MBD6: variants seen among roughly 807,000 people sequenced by gnomAD.
MBD6 encodes methyl-CpG binding domain protein 6, also known as methyl-CpG-binding domain protein 6.
Under a neutral mutation model 66.8 loss-of-function variants are expected in MBD6, and 22 were observed. The ratio of observed to expected loss-of-function variants is 0.33; its 90% CI spans 0.24 to 0.47. The LOEUF (loss-of-function observed/expected upper bound fraction) is 0.47, where lower values mean the gene tolerates loss of function less well. MBD6 is among the 20% of genes least tolerant of loss of function. The pLI is 1.00. For synonymous variants in MBD6, 540 were observed against 534.6 expected (o/e 1.01, Z -0.14); for missense variants, 1,322 against 1,286.9 (o/e 1.03, Z -0.42).
rs753386970 is a variant in MBD6, at chr12:57,527,651, A to C, written c.2227A>C (p.Ser743Arg). The change falls in exon 8 of 13, where the codon AGC (serine) becomes CGC (arginine). Residue 743 changes from serine to arginine, a missense_variant. Transcript: ENST00000355673. ...PQLLSPLLGASLLGDLSSLTS... is the reference protein window; with the variant it reads ...PQLLSPLLGARLLGDLSSLTS... ...ACTCCTTAGCCCTCTGCTGGGTGCC[A>C]GCCTGCTGGGTGAGTCTGAGGGAGT... is the stretch of plus-strand genomic sequence containing the variant. 4 of 1,598,664 alleles carry C rather than the reference A, an allele frequency of 2.5e-6. No homozygotes were observed. In the South Asian group the frequency reaches 3.4e-5, roughly 13 times the overall value.
chr12:57,530,069 G>A lies in MBD6; in HGVS notation c.*835G>A, dbSNP rs750382783. 2 of 152,552 alleles carry A rather than the reference G, an allele frequency of 1.3e-5. No individual in the cohort carries two copies. The highest frequency in any genetic ancestry group is 2.9e-5 in the Non-Finnish European group (2 of 68,046). The allele number at this position is 152,552 out of a possible 1,614,324, so 9.4% of individuals were successfully genotyped here. ...CCCTTGGGAGTTTTAATTCTGTTTT[G>A]TACTTGCCCTGTGGGGCCTCCACTG... On this transcript the variant is annotated 3_prime_UTR_variant, in exon 13 of 13. Transcript: ENST00000355673.
At chr12:57,527,786 T>G in intron 8 of MBD6, 62 bp from the exon 9 acceptor site, 2 of 1,585,666 alleles carry the variant, frequency 1.3e-6, no homozygotes, top group Non-Finnish European at 1.7e-6. Context: ...AAGAGAATAG[T>G]AGGTCTGCTC....
upstream of MBD6, chr12:57,522,759 A>ACGGCGGCGG (rs765011540): frequency 1.5e-3 from 237 of 153,898 alleles, no homozygotes; most frequent in Middle Eastern, 3.2e-3. Flanking sequence ...TGCGGCAGCG[A>ACGGCGGCGG]CGGCGGCGGC....
chr12:57,522,389 T>TGGGGC (rs1426144427), upstream of MBD6, among the ~76,000 whole-genome samples: 1 of 152,192 alleles, frequency 6.6e-6, no homozygotes, highest in Non-Finnish European at 1.5e-5. Context: ...GGGAAGCCTT[T>TGGGGC]GGGGCGGGGC....
rs1878991573 is a variant in MBD6, at chr12:57,526,683, C to T, written c.1538C>T (p.Ala513Val). 2.6e-6 allele frequency: 4 copies of T among 1,529,446 alleles called. No homozygotes were observed. Among genetic ancestry groups the T allele is most frequent in the Admixed American group, 2.2e-5 (1 of 46,066 alleles). 94.7% of individuals were successfully genotyped at this position (1,529,446 alleles called of 1,614,324 possible). A position where few individuals can be genotyped will look rare whatever the true frequency, so the allele number is the denominator to read the frequency against. ...AGPACPLPPL[A>V]GGEAFPFPSP... is the part of the protein sequence containing the mutation. ...CCGGCCTGCCCTCTGCCTCCCCTGG[C>T]TGGTGGAGAGGCTTTCCCTTTCCCC... The change falls in exon 7 of 13, where the codon GCT (alanine) becomes GTT (valine). Residue 513 changes from alanine (A) to valine (V), a missense_variant. Physicochemically the swap from Ala to Val is moderately conservative, Grantham distance 64. Transcript: ENST00000355673.
At chr12:57,520,780 G>A (rs943388493), upstream of MBD6, 1 of 218,896 alleles carries the variant, frequency 4.6e-6, no homozygotes, top group Non-Finnish European at 8.5e-6. Flanking sequence ...GGGGAGTGTA[G>A]CGGGGGGGGA....
intron 1 of MBD6, 71 bp from the exon 2 acceptor site, chr12:57,523,958 G>C (rs1878642240): frequency 5.6e-6 from 1 of 178,482 alleles, no homozygotes; most frequent in African/African-American, 2.4e-5. Context: ...CTTTTGAGAG[G>C]GTGCTGGGCT....
In MBD6 at chr12:57,528,235, G is replaced by C. The variant is rs750703950; in HGVS notation, c.2495G>C (p.Ser832Thr). 6.2e-7 allele frequency: 1 copy of C among 1,608,086 alleles called. No homozygotes were observed. The highest frequency in any genetic ancestry group is 8.5e-7 in the Non-Finnish European group (1 of 1,177,378). ...LEPEPARPPL[S>T]ALAPPHGSPD... Reference sequence around the variant, plus strand: ...CCAGAGCCTGCCAGGCCTCCCCTCAGTGCCTTAGCCCCACCCCATGGTTCT... The same window carrying C: ...CCAGAGCCTGCCAGGCCTCCCCTCACTGCCTTAGCCCCACCCCATGGTTCT... The change falls in exon 10 of 13, where the codon AGT (serine) becomes ACT (threonine). Residue 832 changes from serine (S) to threonine (T), a missense_variant. By Grantham distance (58) the Ser-to-Thr change is moderately conservative (BLOSUM62 1). Coordinates refer to ENST00000355673, the MANE Select transcript of MBD6 (RefSeq NM_052897.4).
intron 12 of MBD6, 27 bp from the exon 13 acceptor site, chr12:57,529,133 T>C: frequency 6.2e-7 from 1 of 1,613,978 alleles, no homozygotes; most frequent in Non-Finnish European, 8.5e-7. Context: ...AATTGACCAC[T>C]TCTATCAACT....
At chr12:57,524,859 A>G (rs1192706376) in intron 4 of MBD6, 37 bp downstream of exon 4, 1 of 1,613,282 alleles carries the variant, frequency 6.2e-7, no homozygotes, top group Admixed American at 1.7e-5. Flanking sequence ...GTACAGAGAT[A>G]AGCTAAAAGT....
In MBD6 at chr12:57,526,587, C is replaced by T; in HGVS notation, c.1442C>T (p.Ala481Val). 3.3e-6 allele frequency: 5 copies of T among 1,511,464 alleles called. No individual in the cohort carries two copies. The highest frequency in any genetic ancestry group is 2.7e-6 in the Non-Finnish European group (3 of 1,131,242). 93.6% of individuals were successfully genotyped at this position (1,511,464 alleles called of 1,614,324 possible). A position where few individuals can be genotyped will look rare whatever the true frequency, so the allele number is the denominator to read the frequency against. The change falls in exon 7 of 13, where the codon GCC becomes GTC. Residue 481 changes from alanine (A) to valine (V), a missense_variant. Physicochemically the swap from Ala to Val is moderately conservative, Grantham distance 64. Transcript: ENST00000355673. ...ACAGGTGCCCCTGCCCCACCAGCTG[C>T]CTCCAAAGCCCCAGTAGTCCCCAGC... The part of the protein sequence containing the change: ...SVPGAPAPPA[A>V]SKAPVVPSPV...
At chr12:57,530,532 G>T, downstream of MBD6, 1 of 616,490 alleles carries the variant, frequency 1.6e-6, no homozygotes, top group South Asian at 2.2e-5. Context: ...TATTCATCAG[G>T]GGAGGGGTAT....
At chr12:57,524,694 T>C (rs927211926) in intron 3 of MBD6, 26 bp from the exon 4 acceptor site, 1 of 1,608,904 alleles carries the variant, frequency 6.2e-7, no homozygotes, top group Middle Eastern at 1.7e-4. Context: ...GCTAACCCCA[T>C]GTCCTCTGAC....
chr12:57,524,816 C>A lies in MBD6; in HGVS notation c.210C>A (p.Val70=), dbSNP rs1878739987. ...GCGGTCTGGAGTGTCCACTTAATGT[C>A]CCCAAGGTCAGAGTGGTGAGGGGCG... The part of the protein sequence containing the change: ...CKCGLECPLN[V]PKVFNFDPLA... The change falls in exon 4 of 13, where the codon GTC becomes GTA. Residue 70 remains valine, a synonymous_variant. Transcript: ENST00000355673. The A allele has an allele frequency of 1.2e-6, 2 of 1,614,054 alleles. No homozygotes were observed. The highest frequency in any genetic ancestry group is 1.3e-5 in the African/African-American group (1 of 74,924).
intron 9 of MBD6, 28 bp downstream of exon 9, chr12:57,528,045 G>A: frequency 1.3e-6 from 2 of 1,529,186 alleles, no homozygotes; most frequent in Non-Finnish European, 1.8e-6. Context: ...TATTTGTCAG[G>A]GAGATAATTT....
Position 57,529,343 on chromosome 12 carries a change from T to G in MBD6, c.*109T>G. 9.7e-7 allele frequency: 1 copy of G among 1,030,004 alleles called. No homozygotes were observed. Among genetic ancestry groups the G allele is most frequent in the Non-Finnish European group, 1.5e-6 (1 of 689,606 alleles). The allele number at this position is 1,030,004 out of a possible 1,614,324, so 63.8% of individuals were successfully genotyped here. ...TGTGGACAGTGGGTGGGGGCACTAC[T>G]CCCCACTCAGAGCACAAATGCAACT... On this transcript the variant is annotated 3_prime_UTR_variant, in exon 13 of 13. Transcript: ENST00000355673.
Position 57,529,152 on chromosome 12 carries a change from G to A in MBD6, c.2938-8G>A. Reference sequence around the variant, plus strand: ...GACCACTTCTATCAACTTCCCCTCTGATATTAGGCAGCTGTCCCTCTGCCT... The same window carrying A: ...GACCACTTCTATCAACTTCCCCTCTAATATTAGGCAGCTGTCCCTCTGCCT... On this transcript the variant is annotated splice_polypyrimidine_tract_variant and splice_region_variant and intron_variant, in intron 12 of 12. Transcript: ENST00000355673. 6.2e-7 allele frequency: 1 copy of A among 1,614,102 alleles called. No individual in the cohort carries two copies. Among genetic ancestry groups the A allele is most frequent in the Non-Finnish European group, 8.5e-7 (1 of 1,179,988 alleles).
chr12:57,528,916 G>C (rs767985161), intron 11 of MBD6, 30 bp from the exon 12 acceptor site: 26 of 1,614,086 alleles, frequency 1.6e-5, no homozygotes, highest in Non-Finnish European at 2.2e-5. Flanking sequence ...CTTGGGAGCT[G>C]TTCCTGATCA....
At position 57,528,005 on chromosome 12, in the gene MBD6, A is replaced by G. The variant is rs772915226; in HGVS notation, c.2394A>G (p.Leu798=). Residue 798 remains leucine, a synonymous_variant, in exon 9 of 13, where the codon CTA becomes CTG. Transcript: ENST00000355673. ...CTTCTAGTCCCCTAGCCTGCCTGCTACAGAGTCTCCAGGTGAGGGTGTGGG... is the reference window on the plus strand; with the variant it reads ...CTTCTAGTCCCCTAGCCTGCCTGCTGCAGAGTCTCCAGGTGAGGGTGTGGG... ...SEASSPLACL[L]QSLQIPPEQP... The G allele has an allele frequency of 7.1e-6, 11 of 1,541,038 alleles. No individual in the cohort carries two copies. Among genetic ancestry groups the G allele is most frequent in the African/African-American group, 1.4e-5 (1 of 71,932 alleles).
Sources: gnomAD v4.1 joint callset for allele counts (sites outside exome capture counted in the v4.1 genomes callset) on GRCh38, gnomAD v4.1.1 for gene constraint, MANE v1.5 for transcripts, NCBI Gene and HGNC (gene_info 2026-07-23, HGNC 2026-07-21) for gene names.